Variants in SLC16A12 observed in about 807,000 individuals in gnomAD.
The protein encoded by SLC16A12 is monocarboxylate transporter 12.
Under a neutral mutation model 42.4 loss-of-function variants are expected in SLC16A12, and 17 were observed. The ratio of observed to expected loss-of-function variants is 0.40; its 90% CI spans 0.27 to 0.60. The LOEUF (loss-of-function observed/expected upper bound fraction) is 0.60. SLC16A12 is among the 20% of genes least tolerant of loss of function. The pLI is 0.42. For missense variants in SLC16A12, 544 were observed against 623.0 expected, an observed-to-expected ratio of 0.87 and a Z score of 1.35; for synonymous variants, 224 against 229.4, an observed-to-expected ratio of 0.98 and a Z score of 0.21.
At chr10:89,481,813 A>G (rs1396111112) in intron 2 of SLC16A12, among the ~76,000 whole-genome samples, 1 of 152,102 alleles carries the variant, frequency 6.6e-6, no homozygotes, top group Non-Finnish European at 1.5e-5. Context: ...ATGGAATGAA[A>G]AAGTCCACTT....
chr10:89,534,146 C>T (rs2133875078), intron 2 of SLC16A12, among the ~76,000 whole-genome samples: 1 of 152,300 alleles, frequency 6.6e-6, no homozygotes, highest in South Asian at 2.1e-4. Context: ...ATCCAGTTCA[C>T]CTAATTACTA....
At chr10:89,505,425 A>G (rs1214164671) in intron 2 of SLC16A12, among the ~76,000 whole-genome samples, 1 of 151,984 alleles carries the variant, frequency 6.6e-6, no homozygotes, top group Non-Finnish European at 1.5e-5. Context: ...TCCATCTCAA[A>G]AAACAAAAAA....
chr10:89,499,900 C>T (rs72816732), intron 2 of SLC16A12, among the ~76,000 whole-genome samples: 10,067 of 152,108 alleles, frequency 0.066, 477 homozygotes, highest in East Asian at 0.18. Context: ...TAGACCATTA[C>T]TAAGATTAAC....
At chr10:89,526,845 A>C (rs1843461326) in intron 2 of SLC16A12, among the ~76,000 whole-genome samples, 1 of 151,122 alleles carries the variant, frequency 6.6e-6, no homozygotes, top group Non-Finnish European at 1.5e-5. Flanking sequence ...TTTAAAATCT[A>C]CTGGCCAAAA....
At chr10:89,470,922 A>G (rs1032025329) in intron 2 of SLC16A12, among the ~76,000 whole-genome samples, 2 of 39,796 alleles carry the variant, frequency 5.0e-5, no homozygotes, top group Admixed American at 3.5e-4. Context: ...TACCACAAGG[A>G]CACGGACACG....
Position 89,487,736 on chromosome 10 carries a change from T to G in SLC16A12, c.-46-25112A>C, listed in dbSNP as rs1589699712. On this transcript the variant is annotated intron_variant, in intron 2 of 7. Coordinates refer to ENST00000371790, the MANE Select transcript of SLC16A12 (RefSeq NM_213606.4). ...CTTAGGCACAAGAATGGCTTGAACCTGGGAGGCAGAGTTTGCTGTGAGCTG... is the reference window on the plus strand; with the variant it reads ...CTTAGGCACAAGAATGGCTTGAACCGGGGAGGCAGAGTTTGCTGTGAGCTG... Among the ~76,000 whole-genome samples, 3 of 136,746 alleles carry G rather than the reference T, an allele frequency of 2.2e-5. No homozygotes were observed. In the South Asian group the frequency reaches 7.1e-4, roughly 32 times the overall value. The allele number at this position is 136,746 out of a possible 152,430, so 89.7% of individuals were successfully genotyped here.
chr10:89,450,019 T>C (rs1217531382), intron 3 of SLC16A12, among the ~76,000 whole-genome samples: 1 of 152,234 alleles, frequency 6.6e-6, no homozygotes. Context: ...ATGCTCATCA[T>C]CACTGGCCAT....
intron 2 of SLC16A12, among the ~76,000 whole-genome samples, chr10:89,555,103 G>A (rs1014044280): frequency 2.0e-4 from 31 of 151,950 alleles, no homozygotes; most frequent in Non-Finnish European, 1.6e-4. Context: ...AAGTCTTCAG[G>A]ATTAGCAATT....
chr10:89,451,040 C>A (rs944978423), intron 3 of SLC16A12, among the ~76,000 whole-genome samples: 1 of 152,124 alleles, frequency 6.6e-6, no homozygotes, highest in Non-Finnish European at 1.5e-5. Flanking sequence ...CTTGGAAAAG[C>A]CTTATATGGA....
intron 2 of SLC16A12, among the ~76,000 whole-genome samples, chr10:89,486,603 AAAAGAAAG>A (rs141642264): frequency 0.076 from 5,332 of 70,222 alleles, 289 homozygotes; most frequent in East Asian, 0.12. Flanking sequence ...AAAAAAAAAA[AAAAGAAAG>A]AAAGAAAGAA....
intron 2 of SLC16A12, among the ~76,000 whole-genome samples, chr10:89,532,722 A>G (rs532732566): frequency 2.6e-5 from 4 of 152,358 alleles, no homozygotes; most frequent in Non-Finnish European, 5.9e-5. Context: ...TGTTAAAAAC[A>G]ATAAACATGC....
intron 2 of SLC16A12, among the ~76,000 whole-genome samples, chr10:89,466,295 G>A (rs1221592129): frequency 6.6e-6 from 1 of 152,164 alleles, no homozygotes; most frequent in Non-Finnish European, 1.5e-5. Flanking sequence ...TTTATTGAGT[G>A]TCCAATATGC....
chr10:89,509,392 G>A (rs190471634), intron 2 of SLC16A12, among the ~76,000 whole-genome samples: 211 of 152,128 alleles, frequency 1.4e-3, no homozygotes, highest in African/African-American at 4.6e-3. Flanking sequence ...AAGCTTATCC[G>A]CCATGATTAA....
chr10:89,498,168 T>C (rs989584864), intron 2 of SLC16A12, among the ~76,000 whole-genome samples: 1 of 151,840 alleles, frequency 6.6e-6, no homozygotes, highest in Non-Finnish European at 1.5e-5. Flanking sequence ...CCAAGTGTAG[T>C]GGTGCGTGCC....
intron 3 of SLC16A12, among the ~76,000 whole-genome samples, chr10:89,458,277 C>T (rs549853034): frequency 3.9e-5 from 6 of 152,196 alleles, no homozygotes; most frequent in Non-Finnish European, 7.3e-5. Context: ...TTCAGTCAAA[C>T]ATGTTAGACT....
At chr10:89,556,347 T>C (rs1292422230) in intron 1 of SLC16A12, among the ~76,000 whole-genome samples, 1 of 152,186 alleles carries the variant, frequency 6.6e-6, no homozygotes, top group Non-Finnish European at 1.5e-5. Flanking sequence ...TGCAATATTA[T>C]TATACATATC....
intron 2 of SLC16A12, among the ~76,000 whole-genome samples, chr10:89,483,877 C>A (rs1202268570): frequency 1.3e-5 from 2 of 151,942 alleles, no homozygotes; most frequent in African/African-American, 4.8e-5. Flanking sequence ...CTCACAAAAA[C>A]CCTCTGATAC....
intron 2 of SLC16A12, among the ~76,000 whole-genome samples, chr10:89,504,928 C>A (rs187996708): frequency 6.6e-6 from 1 of 151,996 alleles, no homozygotes; most frequent in African/African-American, 2.4e-5. Context: ...ACAGAGTGTG[C>A]CAGGGAGCAT....
intron 5 of SLC16A12, among the ~76,000 whole-genome samples, chr10:89,440,214 C>T (rs1242299538): frequency 6.6e-6 from 1 of 151,988 alleles, no homozygotes; most frequent in Non-Finnish European, 1.5e-5. Context: ...GAAGCTCCTG[C>T]TTCCAACTGC....
Sources: gnomAD v4.1 joint callset for allele counts (sites outside exome capture counted in the v4.1 genomes callset) on GRCh38, gnomAD v4.1.1 for gene constraint, MANE v1.5 for transcripts, NCBI Gene and HGNC (gene_info 2026-07-23, HGNC 2026-07-21) for gene names.